The following LGSN variants were observed in gnomAD, a reference collection of about 807,000 sequenced individuals.
LGSN encodes lengsin, lens protein with glutamine synthetase domain.
A neutral mutation model predicts 19.5 loss-of-function variants in LGSN; 21 were observed. The ratio of observed to expected loss-of-function variants is 1.07; its 90% CI spans 0.76 to 1.55. The LOEUF is 1.55. LGSN is among the 40% of genes most tolerant of loss of function. The pLI, the probability that LGSN is intolerant of heterozygous loss-of-function variation, is 0.00. For synonymous variants in LGSN, 257 were observed against 215.6 expected, an observed-to-expected ratio of 1.19 and a Z score of -1.68; for missense variants, 673 against 608.5, an observed-to-expected ratio of 1.11 and a Z score of -1.12.
At chr6:63,467,353 G>A in the LGSN span, among the ~76,000 whole-genome samples, 106 of 148,958 alleles carry the variant, frequency 7.1e-4, no homozygotes, top group Middle Eastern at 0.01. Context: ...TAAACTTCAC[G>A]TTTGCCTCTG....
chr6:63,385,044 C>A, the LGSN span, among the ~76,000 whole-genome samples: 15 of 152,260 alleles, frequency 9.9e-5, no homozygotes, highest in South Asian at 2.9e-3. Flanking sequence ...TGTTGAACTT[C>A]GAGCCTGCAG....
the LGSN span, among the ~76,000 whole-genome samples, chr6:63,479,859 C>T: frequency 6.6e-6 from 1 of 152,304 alleles, no homozygotes; most frequent in South Asian, 2.1e-4. Context: ...CACCTATTTC[C>T]TAATCATTCA....
the LGSN span, among the ~76,000 whole-genome samples, chr6:63,478,658 A>G: frequency 6.6e-6 from 1 of 152,192 alleles, no homozygotes; most frequent in Non-Finnish European, 1.5e-5. Context: ...CATTCTAATC[A>G]TATAGACGAT....
chr6:63,297,423 A>G (rs977738511), intron 1 of LGSN, among the ~76,000 whole-genome samples: 19 of 151,914 alleles, frequency 1.3e-4, no homozygotes, highest in African/African-American at 4.4e-4. Flanking sequence ...AAAAATGCTC[A>G]AAAAAGGGAG....
chr6:63,407,012 G>A, the LGSN span, among the ~76,000 whole-genome samples: 2 of 152,064 alleles, frequency 1.3e-5, no homozygotes, highest in Non-Finnish European at 2.9e-5. Flanking sequence ...ACCAATAACA[G>A]GCTCTGTAAT....
At chr6:63,460,243 C>T in the LGSN span, among the ~76,000 whole-genome samples, 1 of 151,508 alleles carries the variant, frequency 6.6e-6, no homozygotes, top group East Asian at 1.9e-4. Context: ...CAGGCATGAG[C>T]CACCACACCC....
chr6:63,306,131 C>T (rs1168205635), intron 1 of LGSN, among the ~76,000 whole-genome samples: 1 of 152,076 alleles, frequency 6.6e-6, no homozygotes, highest in African/African-American at 2.4e-5. Flanking sequence ...AAAAGCATTG[C>T]CATATCCAGA....
At chr6:63,483,327 C>T in the LGSN span, among the ~76,000 whole-genome samples, 1 of 151,262 alleles carries the variant, frequency 6.6e-6, no homozygotes, top group South Asian at 2.1e-4. Flanking sequence ...GCTCTAAATA[C>T]TTCATGGATT....
At chr6:63,489,997 T>G in the LGSN span, among the ~76,000 whole-genome samples, 1 of 152,216 alleles carries the variant, frequency 6.6e-6, no homozygotes. Context: ...TGTGAGCTAC[T>G]GCACCTGGCG....
chr6:63,425,638 G>C, the LGSN span, among the ~76,000 whole-genome samples: 4 of 152,126 alleles, frequency 2.6e-5, no homozygotes, highest in Admixed American at 2.0e-4. Flanking sequence ...AAGGGAAGTA[G>C]GTATACATAA....
chr6:63,322,868 G>A (rs974386967), upstream of LGSN, among the ~76,000 whole-genome samples: 1 of 152,166 alleles, frequency 6.6e-6, no homozygotes, highest in African/African-American at 2.4e-5. Context: ...CAGGGAAACT[G>A]AAGAATATTT....
the LGSN span, among the ~76,000 whole-genome samples, chr6:63,439,230 G>A: frequency 1.3e-5 from 2 of 152,232 alleles, no homozygotes; most frequent in Admixed American, 1.3e-4. Context: ...GGGAGGGATA[G>A]CATTAGGAGA....
chr6:63,360,029 TC>T, the LGSN span, among the ~76,000 whole-genome samples: 1 of 152,346 alleles, frequency 6.6e-6, no homozygotes, highest in Non-Finnish European at 1.5e-5. Context: ...TGCCAAGAGA[TC>T]AGCTGTTAGT....
At chr6:63,343,920 C>G in the LGSN span, among the ~76,000 whole-genome samples, 1 of 152,134 alleles carries the variant, frequency 6.6e-6, no homozygotes, top group Non-Finnish European at 1.5e-5. Context: ...GGCCACATGA[C>G]AAACAATGAC....
chr6:63,500,204 C>T, the LGSN span, among the ~76,000 whole-genome samples: 34 of 152,132 alleles, frequency 2.2e-4, no homozygotes, highest in South Asian at 6.6e-3. Flanking sequence ...AGAGCTAAAG[C>T]CAAGCTACAG....
At chr6:63,293,933 A>G (rs1767872828) in intron 2 of LGSN, 1 of 362,688 alleles carries the variant, frequency 2.8e-6, no homozygotes, top group Admixed American at 3.7e-5. Context: ...GGAGAGGAAT[A>G]CTTGAGAAAA....
chr6:63,326,828 G>A, the LGSN span, among the ~76,000 whole-genome samples: 7 of 152,088 alleles, frequency 4.6e-5, no homozygotes, highest in East Asian at 5.8e-4. Flanking sequence ...TCCAACTCAC[G>A]CCTCTCCCTC....
At chr6:63,359,861 G>T in the LGSN span, among the ~76,000 whole-genome samples, 9 of 151,416 alleles carry the variant, frequency 5.9e-5, no homozygotes, top group Admixed American at 5.3e-4. Flanking sequence ...TGGCCTGGTG[G>T]TGACAAAATC....
chr6:63,499,164 T>A, the LGSN span, among the ~76,000 whole-genome samples: 1 of 152,146 alleles, frequency 6.6e-6, no homozygotes, highest in Non-Finnish European at 1.5e-5. Flanking sequence ...TGTTTAAGCC[T>A]TGTATAACAT....
Sources: gnomAD v4.1 joint callset for allele counts (sites outside exome capture counted in the v4.1 genomes callset) on GRCh38, gnomAD v4.1.1 for gene constraint, MANE v1.5 for transcripts, NCBI Gene and HGNC (gene_info 2026-07-23, HGNC 2026-07-21) for gene names.